PTPRN2: variants seen among roughly 807,000 people sequenced by gnomAD.
The protein encoded by PTPRN2 is receptor-type tyrosine-protein phosphatase N2.
Under a neutral mutation model 118.8 loss-of-function variants are expected in PTPRN2, and 74 were observed. The observed-to-expected ratio is 0.62, with a 90% CI of 0.52 to 0.76. The LOEUF (loss-of-function observed/expected upper bound fraction) is 0.76. Among genes scored for constraint, PTPRN2 ranks in the 30% least tolerant of loss-of-function variants. The pLI, the probability that PTPRN2 is intolerant of heterozygous loss-of-function variation, is 0.00. For missense variants in PTPRN2, 1,481 were observed against 1,394.4 expected (o/e 1.06, Z -0.99); for synonymous variants, 641 against 608.0 (o/e 1.05, Z -0.80).
At chr7:158,086,415 G>C (rs966803106) in intron 10 of PTPRN2, among the ~76,000 whole-genome samples, 1 of 152,186 alleles carries the variant, frequency 6.6e-6, no homozygotes, top group Non-Finnish European at 1.5e-5. Flanking sequence ...TCTGTTAAAG[G>C]CATGAGCCTG....
At chr7:157,892,618 C>T (rs1268782350) in intron 12 of PTPRN2, among the ~76,000 whole-genome samples, 2 of 151,954 alleles carry the variant, frequency 1.3e-5, no homozygotes, top group African/African-American at 4.8e-5. Context: ...CTTTATATTC[C>T]AGAGTCAGGG....
chr7:158,172,838 A>AC (rs1823831378), intron 5 of PTPRN2, among the ~76,000 whole-genome samples: 2 of 140,080 alleles, frequency 1.4e-5, no homozygotes, highest in African/African-American at 5.9e-5. Flanking sequence ...CAGCATCCCC[A>AC]CCATCATCAA....
intron 14 of PTPRN2, among the ~76,000 whole-genome samples, chr7:157,623,108 TAC>T (rs1803367120): frequency 6.6e-6 from 1 of 152,236 alleles, no homozygotes; most frequent in African/African-American, 2.4e-5. Context: ...TAGGAAATGC[TAC>T]ACATTCTTTC....
intron 10 of PTPRN2, among the ~76,000 whole-genome samples, chr7:158,097,613 T>C (rs893105500): frequency 2.0e-5 from 3 of 152,066 alleles, no homozygotes; most frequent in African/African-American, 7.2e-5. Flanking sequence ...GCATCCTTTT[T>C]CCCAGGAGCA....
intron 11 of PTPRN2, among the ~76,000 whole-genome samples, chr7:158,057,409 G>A (rs1450094562): frequency 6.6e-6 from 1 of 152,172 alleles, no homozygotes; most frequent in Non-Finnish European, 1.5e-5. Flanking sequence ...CAATGATGAT[G>A]GTCTCTTTTT....
intron 6 of PTPRN2, among the ~76,000 whole-genome samples, chr7:158,166,087 T>C (rs191239972): frequency 1.2e-3 from 186 of 152,198 alleles, no homozygotes; most frequent in Admixed American, 2.7e-3. Context: ...AAAACAGATA[T>C]GGATGACACA....
At chr7:158,081,429 G>T (rs369219240) in intron 10 of PTPRN2, 52 bp from the exon 11 acceptor site, 2 of 1,538,270 alleles carry the variant, frequency 1.3e-6, no homozygotes, top group African/African-American at 1.4e-5. Flanking sequence ...GCGCCACACC[G>T]CTTTTCTGAA....
In PTPRN2 at chr7:158,045,957, A is replaced by G. The variant is rs377716070; in HGVS notation, c.1723+35341T>C. Among the ~76,000 whole-genome samples, 736 of 106,284 alleles carry G rather than the reference A, an allele frequency of 6.9e-3. 4 individuals carry two copies. The highest frequency in any genetic ancestry group is 0.011 in the African/African-American group (288 of 26,626). The allele number at this position is 106,284 out of a possible 152,430, so 69.7% of individuals were successfully genotyped here. A position where few individuals can be genotyped will look rare whatever the true frequency, so the allele number is the denominator to read the frequency against. Reference sequence around the variant, plus strand: ...CAGGAGCAGAACCTGCGATCCTGGCATCCTGACACTGCCTTGTTCTGTCCA... The same window carrying G: ...CAGGAGCAGAACCTGCGATCCTGGCGTCCTGACACTGCCTTGTTCTGTCCA... On this transcript the variant is annotated intron_variant, in intron 11 of 22. Coordinates refer to ENST00000389418, the MANE Select transcript of PTPRN2 (RefSeq NM_002847.5).
chr7:157,604,808 G>A (rs755516411), intron 15 of PTPRN2, among the ~76,000 whole-genome samples: 2 of 152,204 alleles, frequency 1.3e-5, no homozygotes, highest in South Asian at 4.1e-4. Context: ...CACTTGTGAC[G>A]TGTGTGATAT....
rs908169698 is a variant in PTPRN2 at position 157,611,772 on chromosome 7, C to T, written c.2345-7697G>A. Among the ~76,000 whole-genome samples the T allele has an allele frequency of 8.0e-5, 12 of 149,118 alleles. No homozygotes were observed. The highest frequency in any genetic ancestry group is 8.0e-4 in the Admixed American group (12 of 15,090). On this transcript the variant is annotated intron_variant, in intron 15 of 22. Coordinates refer to ENST00000389418, the MANE Select transcript of PTPRN2 (RefSeq NM_002847.5). The surrounding 1 kb of genome is among the most constrained non-coding windows in gnomAD (Gnocchi z 5.9). ...GCGCCCGTGTGAAGACGAAGACAGC[C>T]GCAGTCATGCTGGGGACACGCGGAG...
In PTPRN2 at chr7:158,300,699, C is replaced by T. The variant is rs1027016921; in HGVS notation, c.277+16120G>A. Among the ~76,000 whole-genome samples, 107 of 121,138 alleles carry T rather than the reference C, an allele frequency of 8.8e-4. 1 individual carries two copies. Among genetic ancestry groups the T allele is most frequent in the African/African-American group, 2.8e-3 (90 of 32,476 alleles). 79.5% of individuals were successfully genotyped at this position (121,138 alleles called of 152,430 possible). A position where few individuals can be genotyped will look rare whatever the true frequency, so the allele number is the denominator to read the frequency against. On this transcript the variant is annotated intron_variant, in intron 3 of 22. Coordinates refer to ENST00000389418, the MANE Select transcript of PTPRN2 (RefSeq NM_002847.5). ...GCAACAGTGTTCTAAGAAACACAAA[C>T]GACCAAGGGTCCCACCCTCTCTCCC...
intron 2 of PTPRN2, among the ~76,000 whole-genome samples, chr7:158,469,077 TCAA>T (rs1176223998): frequency 6.6e-6 from 1 of 152,224 alleles, no homozygotes; most frequent in South Asian, 2.1e-4. Flanking sequence ...TCCTGGTGGA[TCAA>T]CACTATGCAC....
At chr7:158,069,492 C>T (rs1811044117) in intron 11 of PTPRN2, among the ~76,000 whole-genome samples, 2 of 152,040 alleles carry the variant, frequency 1.3e-5, no homozygotes, top group Admixed American at 6.6e-5. Flanking sequence ...CCACCACACC[C>T]CCACCTTCTC....
intron 2 of PTPRN2, among the ~76,000 whole-genome samples, chr7:158,365,141 G>A (rs184518982): frequency 4.6e-5 from 7 of 152,272 alleles, no homozygotes; most frequent in East Asian, 1.9e-4. Context: ...CCCCAGACTC[G>A]AAAGCGTTTC....
At chr7:158,327,503 TCACA>T (rs1054370071) in intron 2 of PTPRN2, among the ~76,000 whole-genome samples, 2 of 151,816 alleles carry the variant, frequency 1.3e-5, no homozygotes, top group African/African-American at 4.8e-5. Flanking sequence ...GCACAAGTTC[TCACA>T]CACATGAACA....
chr7:158,450,150 C>T (rs906012368), intron 2 of PTPRN2, among the ~76,000 whole-genome samples: 1 of 152,200 alleles, frequency 6.6e-6, no homozygotes, highest in African/African-American at 2.4e-5. Context: ...GAAGCCCTGC[C>T]CTCAAGACCC....
rs1483230160 is a variant in PTPRN2 at position 157,764,783 on chromosome 7, A to C, written c.1789-81846T>G. Among the ~76,000 whole-genome samples, 1 of 152,186 alleles carries C rather than the reference A, an allele frequency of 6.6e-6. No individual in the cohort carries two copies. The highest frequency in any genetic ancestry group is 6.5e-5 in the Admixed American group (1 of 15,276). The stretch of plus-strand genomic sequence containing the variant: ...GTGAGAGACTGCGTGCCTGGCATAC[A>C]GCAGGGGACAGGAGCCGATTGTCTG... On this transcript the variant is annotated intron_variant, in intron 12 of 22. Coordinates refer to ENST00000389418, the MANE Select transcript of PTPRN2 (RefSeq NM_002847.5). The surrounding 1 kb of genome is among the most constrained non-coding windows in gnomAD (Gnocchi z 4.5).
In PTPRN2 at chr7:158,526,022, C is replaced by A. The variant is rs1048872660; in HGVS notation, c.113-36237G>T. On this transcript the variant is annotated intron_variant, in intron 1 of 22. Coordinates refer to ENST00000389418, the MANE Select transcript of PTPRN2 (RefSeq NM_002847.5). The surrounding 1 kb of genome is among the most constrained non-coding windows in gnomAD (Gnocchi z 5.2). ...CTGCAGACCTGCAGCCCAGCCCCTA[C>A]TCTCCCCTCTGGCTGGCATTGTGCA... 6.6e-6 allele frequency among the ~76,000 whole-genome samples: 1 copy of A among 152,242 alleles called. No individual in the cohort carries two copies. Among genetic ancestry groups the A allele is most frequent in the Non-Finnish European group, 1.5e-5 (1 of 68,044 alleles).
In PTPRN2 at chr7:158,529,783, G is replaced by T. The variant is rs919872724; in HGVS notation, c.113-39998C>A. Among the ~76,000 whole-genome samples the T allele has an allele frequency of 6.6e-6, 1 of 152,056 alleles. No homozygotes were observed. The highest frequency in any genetic ancestry group is 1.5e-5 in the Non-Finnish European group (1 of 67,996). ...CAGGACCAGCTCACAGTCTCCCCAGGCCTCCCCAGCCAGCATGAGTTCTCA... is the reference window on the plus strand; with the variant it reads ...CAGGACCAGCTCACAGTCTCCCCAGTCCTCCCCAGCCAGCATGAGTTCTCA... On this transcript the variant is annotated intron_variant, in intron 1 of 22. Transcript: ENST00000389418. This position sits in a 1 kb window ranked among gnomAD's most constrained non-coding sequence, Gnocchi z 4.7.
Sources: allele counts gnomAD v4.1 joint callset (sites outside exome capture counted in the v4.1 genomes callset), GRCh38; gene constraint gnomAD v4.1.1; non-coding constraint Gnocchi (gnomAD v3.1); transcripts MANE v1.5; gene names NCBI Gene and HGNC (gene_info 2026-07-23, HGNC 2026-07-21).